Variants in FIBCD1 observed in about 807,000 individuals in gnomAD.
The protein encoded by FIBCD1 is fibrinogen C domain containing 1, also known as fibrinogen C domain-containing protein 1.
FIBCD1 carries 47 observed loss-of-function variants against 45.1 expected under a neutral mutation model. That is an observed-to-expected ratio of 1.04 (90% CI 0.82 to 1.33). FIBCD1 has a LOEUF of 1.33. FIBCD1 is among the 40% of genes most tolerant of loss of function. The probability of loss-of-function intolerance (pLI) is 0.00; values close to 1 mark genes in which losing one functional copy is unlikely to be tolerated. For synonymous variants in FIBCD1, 313 were observed against 308.1 expected (o/e 1.02, Z -0.17); for missense variants, 653 against 682.2 (o/e 0.96, Z 0.48).
Position 130,922,001 on chromosome 9 carries a change from C to T in FIBCD1, c.849+1743G>A, listed in dbSNP as rs754137524. 1.3e-5 allele frequency among the ~76,000 whole-genome samples: 2 copies of T among 152,198 alleles called. No individual in the cohort carries two copies. The highest frequency in any genetic ancestry group is 2.9e-5 in the Non-Finnish European group (2 of 68,024). The stretch of plus-strand genomic sequence containing the variant: ...CTCCACCGGCCGCCTGTGCGGGCCT[C>T]CCCGCGTCCTGCCTCTGCTGGGGAC... On this transcript the variant is annotated intron_variant, in intron 4 of 6. Transcript: ENST00000372338. This position sits in a 1 kb window ranked among gnomAD's most constrained non-coding sequence, Gnocchi z 4.5.
intron 4 of FIBCD1, among the ~76,000 whole-genome samples, chr9:130,921,133 CCA>C (rs1197626772): frequency 6.6e-6 from 1 of 152,198 alleles, no homozygotes; most frequent in Admixed American, 6.5e-5. Context: ...GCACCCTTGC[CCA>C]CACAGGTCCC....
chr9:130,903,425 G>A lies in FIBCD1; in HGVS notation c.*639C>T, dbSNP rs1831869610. The A allele has an allele frequency of 6.2e-6, 1 of 161,112 alleles. No individual in the cohort carries two copies. Among genetic ancestry groups the A allele is most frequent in the Non-Finnish European group, 1.4e-5 (1 of 73,674 alleles). The allele number at this position is 161,112 out of a possible 1,614,324, so 10.0% of individuals were successfully genotyped here. On this transcript the variant is annotated 3_prime_UTR_variant, in exon 7 of 7. Transcript: ENST00000372338. The stretch of plus-strand genomic sequence containing the variant: ...CAGGGTGGGTGGCCTCCAGGGAACT[G>A]GTCTCAGCCTTGGAGCGTGGGTCCC...
chr9:130,912,461 C>G (rs1025146554), intron 4 of FIBCD1, among the ~76,000 whole-genome samples: 1 of 146,890 alleles, frequency 6.8e-6, no homozygotes, highest in Non-Finnish European at 1.5e-5. Flanking sequence ...AATCCCAGAA[C>G]TTTGGGAGGC....
chr9:130,932,628 C>A (rs748502243), intron 1 of FIBCD1, among the ~76,000 whole-genome samples: 1 of 152,234 alleles, frequency 6.6e-6, no homozygotes, highest in Non-Finnish European at 1.5e-5. Flanking sequence ...CTCCAGGAAG[C>A]CTTCCTTGAC....
At chr9:130,921,930 G>A (rs1220266526) in intron 4 of FIBCD1, among the ~76,000 whole-genome samples, 1 of 152,336 alleles carries the variant, frequency 6.6e-6, no homozygotes, top group East Asian at 1.9e-4. Context: ...ATCTGCGCAC[G>A]CTGACTCCTA....
In FIBCD1 at chr9:130,911,778, G is replaced by A. The variant is rs1274217260; in HGVS notation, c.946+14C>T. 1 of 1,588,522 alleles carries A rather than the reference G, an allele frequency of 6.3e-7. No individual in the cohort carries two copies. The highest frequency in any genetic ancestry group is 2.3e-5 in the East Asian group (1 of 43,036). ...GGAGGCCCACCTGGGCCGGATGGTGGGTGGGGTGCTCACCTAGCCAGTGCT... is the reference window on the plus strand; with the variant it reads ...GGAGGCCCACCTGGGCCGGATGGTGAGTGGGGTGCTCACCTAGCCAGTGCT... On this transcript the variant is annotated intron_variant, in intron 5 of 6. Transcript: ENST00000372338.
intron 4 of FIBCD1, among the ~76,000 whole-genome samples, chr9:130,913,562 C>T (rs1214928185): frequency 1.3e-5 from 2 of 152,192 alleles, no homozygotes; most frequent in African/African-American, 2.4e-5. Flanking sequence ...CCTCCTTTTT[C>T]GTGCTTTGCT....
At chr9:130,925,264 C>A (rs1231509666) in intron 2 of FIBCD1, among the ~76,000 whole-genome samples, 5 of 152,154 alleles carry the variant, frequency 3.3e-5, no homozygotes, top group Admixed American at 3.3e-4. Context: ...ACTGAGGCCC[C>A]GAAAGAGCAA....
At position 130,911,883 on chromosome 9, in the gene FIBCD1, A is replaced by AC. The variant is rs890420744; in HGVS notation, c.854_855insG (p.Phe285LeufsTer55). 6.4e-7 allele frequency: 1 copy of AC among 1,573,776 alleles called. No individual in the cohort carries two copies. The highest frequency in any genetic ancestry group is 1.4e-5 in the African/African-American group (1 of 73,554). On this transcript the variant is annotated frameshift_variant, in exon 5 of 7. Coordinates refer to ENST00000372338, the MANE Select transcript of FIBCD1 (RefSeq NM_032843.5). LOFTEE classifies it high-confidence loss of function. ...TCACGGAGCCGTCCTCCCGGCGCTGAAACACCTGCAAAGGGAAGATGGGGA... is the reference window on the plus strand; with the variant it reads ...TCACGGAGCCGTCCTCCCGGCGCTGACAACACCTGCAAAGGGAAGATGGGGA...
In FIBCD1 at chr9:130,926,159, C is replaced by T. The variant is rs960843521; in HGVS notation, c.553-1763G>A. On this transcript the variant is annotated intron_variant, in intron 2 of 6. Transcript: ENST00000372338. This position sits in a 1 kb window ranked among gnomAD's most constrained non-coding sequence, Gnocchi z 4.1. ...GAGGGAAGACGGTAGGTGGGGGCCGCCGTGCGATGTGTGTGCGGCAAACAT... is the reference window on the plus strand; with the variant it reads ...GAGGGAAGACGGTAGGTGGGGGCCGTCGTGCGATGTGTGTGCGGCAAACAT... 1.6e-4 allele frequency among the ~76,000 whole-genome samples: 24 copies of T among 152,278 alleles called. No homozygotes were observed. Among genetic ancestry groups the T allele is most frequent in the African/African-American group, 5.5e-4 (23 of 41,560 alleles).
chr9:130,938,449 C>T lies in FIBCD1; in HGVS notation c.72+87G>A, dbSNP rs1214511293. On this transcript the variant is annotated intron_variant, in intron 1 of 6. Transcript: ENST00000372338. ...CGAAGGGGTGCGCCCCAAACTCCAG[C>T]CCCCGCAATGGGTGCTCGCCCCGCC... 2.5e-6 allele frequency: 3 copies of T among 1,188,428 alleles called. No homozygotes were observed. In the East Asian group the frequency reaches 9.7e-5, roughly 38 times the overall value. 73.6% of individuals were successfully genotyped at this position (1,188,428 alleles called of 1,614,324 possible). A position where few individuals can be genotyped will look rare whatever the true frequency, so the allele number is the denominator to read the frequency against.
intron 1 of FIBCD1, among the ~76,000 whole-genome samples, chr9:130,930,431 G>A (rs1048753857): frequency 2.1e-4 from 32 of 151,298 alleles, no homozygotes; most frequent in African/African-American, 7.3e-4. Flanking sequence ...GACACGGGGA[G>A]ACATGGGGAG....
At chr9:130,916,129 C>T (rs1040961059) in intron 4 of FIBCD1, among the ~76,000 whole-genome samples, 8 of 152,164 alleles carry the variant, frequency 5.3e-5, no homozygotes, top group Admixed American at 1.3e-4. Flanking sequence ...CGGGCTTTCA[C>T]GATCTTGGCC....
At chr9:130,907,846 C>CTGATATCAT (rs1161758066) in intron 5 of FIBCD1, among the ~76,000 whole-genome samples, 14 of 142,646 alleles carry the variant, frequency 9.8e-5, no homozygotes, top group Non-Finnish European at 1.6e-4. Flanking sequence ...TTGCAGTGAG[C>CTGATATCAT]TGATATCATG....
At chr9:130,921,190 G>A (rs749791140) in intron 4 of FIBCD1, among the ~76,000 whole-genome samples, 1 of 152,222 alleles carries the variant, frequency 6.6e-6, no homozygotes, top group Non-Finnish European at 1.5e-5. Context: ...CCAGGGTCTC[G>A]GGGCACAGTT....
chr9:130,926,606 G>T lies in FIBCD1; in HGVS notation c.553-2210C>A, dbSNP rs1832366258. Among the ~76,000 whole-genome samples the T allele has an allele frequency of 6.6e-6, 1 of 152,132 alleles. No homozygotes were observed. The highest frequency in any genetic ancestry group is 1.5e-5 in the Non-Finnish European group (1 of 68,022). Reference sequence around the variant, plus strand: ...AGGCCAAGTTGGGTGGATCACCTAAGGTCAGGAGTTTGAGACCAGCCTGGC... The same window carrying T: ...AGGCCAAGTTGGGTGGATCACCTAATGTCAGGAGTTTGAGACCAGCCTGGC... On this transcript the variant is annotated intron_variant, in intron 2 of 6. Transcript: ENST00000372338. This position sits in a 1 kb window ranked among gnomAD's most constrained non-coding sequence, Gnocchi z 4.1.
At chr9:130,914,467 GA>G (rs2133084553) in intron 4 of FIBCD1, among the ~76,000 whole-genome samples, 1 of 152,350 alleles carries the variant, frequency 6.6e-6, no homozygotes, top group African/African-American at 2.4e-5. Context: ...GGCCCTGGAG[GA>G]GGGGCAGGGT....
chr9:130,911,169 G>A (rs1832033840), intron 5 of FIBCD1, among the ~76,000 whole-genome samples: 1 of 152,202 alleles, frequency 6.6e-6, no homozygotes, highest in Admixed American at 6.5e-5. Context: ...TCACCGTGAA[G>A]GTCTGCAGTT....
At chr9:130,906,066 T>G (rs1329714267) in intron 5 of FIBCD1, among the ~76,000 whole-genome samples, 1 of 152,124 alleles carries the variant, frequency 6.6e-6, no homozygotes, top group Non-Finnish European at 1.5e-5. Flanking sequence ...GGCACAATGG[T>G]GCTTACCCAG....
Sources: gnomAD v4.1 joint callset for allele counts (sites outside exome capture counted in the v4.1 genomes callset) on GRCh38, gnomAD v4.1.1 for gene constraint, Gnocchi (gnomAD v3.1) non-coding constraint, MANE v1.5 for transcripts, NCBI Gene and HGNC (gene_info 2026-07-23, HGNC 2026-07-21) for gene names.